The following PIK3AP1 variants were observed in gnomAD, a reference collection of about 807,000 sequenced individuals.
The protein encoded by PIK3AP1 is phosphoinositide-3-kinase adaptor protein 1, also known as phosphoinositide 3-kinase adapter protein 1.
PIK3AP1 carries 21 observed loss-of-function variants against 88.1 expected under a neutral mutation model. The observed-to-expected ratio is 0.24, with a 90% CI of 0.17 to 0.34. The LOEUF (loss-of-function observed/expected upper bound fraction) is 0.34, where lower values mean the gene tolerates loss of function less well. Among genes scored for constraint, PIK3AP1 ranks in the 10% least tolerant of loss-of-function variants. The pLI, the probability that PIK3AP1 is intolerant of heterozygous loss-of-function variation, is 1.00. For synonymous variants in PIK3AP1, 398 were observed against 400.0 expected (o/e 1.00, Z 0.06); for missense variants, 828 against 1,035.7 (o/e 0.80, Z 2.75).
chr10:96,605,399 C>T (rs944094148), intron 14 of PIK3AP1, among the ~76,000 whole-genome samples: 5 of 152,116 alleles, frequency 3.3e-5, no homozygotes, highest in African/African-American at 9.7e-5. Context: ...TAAATAACCA[C>T]GTGTGGCCAG....
rs1439103672 is a variant in PIK3AP1, at chr10:96,623,601, AT to A, written c.1670-65del. The stretch of plus-strand genomic sequence containing the variant: ...CAAAATCCAGTACAAAATAATAATA[AT>A]AATGAATCCATACCTAGGACCACCG... On this transcript the variant is annotated intron_variant, in intron 10 of 16. Coordinates refer to ENST00000339364, the MANE Select transcript of PIK3AP1 (RefSeq NM_152309.3). 9 of 1,411,718 alleles carry A rather than the reference AT, an allele frequency of 6.4e-6. No homozygotes were observed. The African/African-American group carries it at 8.5e-5, about 13-fold the overall frequency. The allele number at this position is 1,411,718 out of a possible 1,614,324, so 87.4% of individuals were successfully genotyped here.
In PIK3AP1 at chr10:96,715,910, A is replaced by G. The variant is rs1269614517; in HGVS notation, c.13+4472T>C. Among the ~76,000 whole-genome samples, 4 of 151,806 alleles carry G rather than the reference A, an allele frequency of 2.6e-5. No individual in the cohort carries two copies. The East Asian group carries it at 7.7e-4, about 29-fold the overall frequency. On this transcript the variant is annotated intron_variant, in intron 1 of 16. Transcript: ENST00000339364. ...ATTTCAAAGAAAAAAAAAAAAAAGT[A>G]CAATTGAAATAAAGAGCACTTAAAT...
intron 16 of PIK3AP1, among the ~76,000 whole-genome samples, chr10:96,599,493 C>G (rs148929203): frequency 3.3e-5 from 5 of 152,142 alleles, no homozygotes; most frequent in Non-Finnish European, 7.4e-5. Flanking sequence ...GGACCAGAAC[C>G]GGGATGGAGT....
At chr10:96,710,061 G>C in intron 1 of PIK3AP1, 78 bp from the exon 2 acceptor site, 1 of 1,422,952 alleles carries the variant, frequency 7.0e-7, no homozygotes, top group Admixed American at 2.2e-5. Context: ...CAAAGGTAGA[G>C]CATCCAGACA....
intron 2 of PIK3AP1, among the ~76,000 whole-genome samples, chr10:96,676,509 A>G (rs1416440402): frequency 6.6e-6 from 1 of 151,788 alleles, no homozygotes; most frequent in Non-Finnish European, 1.5e-5. Context: ...GGTCTTAGTG[A>G]CAGAAATGAC....
At chr10:96,606,244 A>T (rs2134186052) in intron 14 of PIK3AP1, among the ~76,000 whole-genome samples, 3 of 152,256 alleles carry the variant, frequency 2.0e-5, no homozygotes, top group African/African-American at 7.2e-5. Context: ...AAGGCTCAGG[A>T]CAAATGCTAT....
rs975694050 is a variant in PIK3AP1, at chr10:96,709,432, C to T, written c.430+135G>A. On this transcript the variant is annotated intron_variant, in intron 2 of 16. Coordinates refer to ENST00000339364, the MANE Select transcript of PIK3AP1 (RefSeq NM_152309.3). The stretch of plus-strand genomic sequence containing the variant: ...GCCCCTATCCCACCCCAGAAATAGG[C>T]TGCTCTAAACCCATAAATATGACCA... The T allele has an allele frequency of 3.9e-5, 42 of 1,085,796 alleles. No homozygotes were observed. In the South Asian group the frequency reaches 6.1e-4, roughly 16 times the overall value. 67.3% of individuals were successfully genotyped at this position (1,085,796 alleles called of 1,614,324 possible).
Position 96,620,512 on chromosome 10 carries a change from T to C in PIK3AP1, c.1781A>G (p.Tyr594Cys). 6.2e-7 allele frequency: 1 copy of C among 1,613,746 alleles called. No individual in the cohort carries two copies. Among genetic ancestry groups the C allele is most frequent in the Non-Finnish European group, 8.5e-7 (1 of 1,180,014 alleles). Reference sequence around the variant, plus strand: ...CGTTTTCATTCCCGCAAAAGGGTCATATATACTCGACTGGGGCCTGTCCCT... The same window carrying C: ...CGTTTTCATTCCCGCAAAAGGGTCACATATACTCGACTGGGGCCTGTCCCT... ...PWRDRPQSSIYDPFAGMKTPG... is the reference protein window; with the variant it reads ...PWRDRPQSSICDPFAGMKTPG... Residue 594 changes from tyrosine to cysteine, a missense_variant, in exon 12 of 17, where the codon TAT becomes TGT. Around this residue, in one of 3 missense-constraint regions of PIK3AP1, gnomAD observed 610 missense variants for 760.1 expected, o/e 0.80. Transcript: ENST00000339364.
In PIK3AP1 at chr10:96,720,253, G is replaced by T; in HGVS notation, c.13+129C>A. ...AGTTTGCGACAGGGAACATAGAAAA[G>T]AGCAGAAAGAGGGCAAGATCCCCGC... On this transcript the variant is annotated intron_variant, in intron 1 of 16. Transcript: ENST00000339364. This position sits in a 1 kb window ranked among gnomAD's most constrained non-coding sequence, Gnocchi z 4.6. 1 of 946,282 alleles carries T rather than the reference G, an allele frequency of 1.1e-6. No individual in the cohort carries two copies. The highest frequency in any genetic ancestry group is 1.4e-6 in the Non-Finnish European group (1 of 726,254). 58.6% of individuals were successfully genotyped at this position (946,282 alleles called of 1,614,324 possible).
intron 13 of PIK3AP1, 117 bp from the exon 14 acceptor site, chr10:96,609,984 G>T: frequency 7.5e-7 from 1 of 1,333,944 alleles, no homozygotes; most frequent in Non-Finnish European, 1.1e-6. Flanking sequence ...GAAGGGGAAG[G>T]GGAAGGGAAA....
At chr10:96,646,458 ACTT>A (rs1324131507) in intron 7 of PIK3AP1, among the ~76,000 whole-genome samples, 4 of 152,096 alleles carry the variant, frequency 2.6e-5, no homozygotes, top group East Asian at 1.9e-4. Context: ...GATTTCTGAT[ACTT>A]CTTCTACACC....
At chr10:96,651,926 T>C (rs1044552835) in intron 4 of PIK3AP1, among the ~76,000 whole-genome samples, 1 of 152,178 alleles carries the variant, frequency 6.6e-6, no homozygotes, top group African/African-American at 2.4e-5. Flanking sequence ...CTCACTACTG[T>C]AGGCCCAGTG....
intron 2 of PIK3AP1, among the ~76,000 whole-genome samples, chr10:96,686,158 T>C (rs1280930371): frequency 1.3e-5 from 2 of 152,240 alleles, no homozygotes; most frequent in Admixed American, 6.5e-5. Flanking sequence ...ACGCATATTT[T>C]TGTCAGATAA....
At chr10:96,714,989 G>C (rs996020296) in intron 1 of PIK3AP1, among the ~76,000 whole-genome samples, 1 of 151,846 alleles carries the variant, frequency 6.6e-6, no homozygotes, top group Non-Finnish European at 1.5e-5. Flanking sequence ...GTGTTTGGCT[G>C]TGTCAAGTGA....
intron 2 of PIK3AP1, among the ~76,000 whole-genome samples, chr10:96,681,289 T>C (rs1033806292): frequency 6.6e-6 from 1 of 152,208 alleles, no homozygotes; most frequent in Non-Finnish European, 1.5e-5. Flanking sequence ...TTAAAAACTC[T>C]ATCTCCAAAT....
At chr10:96,663,762 C>T (rs928196986) in intron 2 of PIK3AP1, among the ~76,000 whole-genome samples, 3 of 151,594 alleles carry the variant, frequency 2.0e-5, no homozygotes, top group Non-Finnish European at 4.4e-5. Context: ...TAAAATACCC[C>T]AAGACCAATA....
chr10:96,629,455 A>G (rs978878262), intron 8 of PIK3AP1, among the ~76,000 whole-genome samples: 6 of 152,118 alleles, frequency 3.9e-5, no homozygotes, highest in African/African-American at 1.4e-4. Context: ...AAGGAAATAC[A>G]TATTCTTGAA....
chr10:96,687,726 T>C (rs575813988), intron 2 of PIK3AP1, among the ~76,000 whole-genome samples: 1 of 152,304 alleles, frequency 6.6e-6, no homozygotes, highest in South Asian at 2.1e-4. Context: ...ATGCCTGCAT[T>C]AAAGACCTTG....
At chr10:96,654,546 C>A (rs2134237435) in intron 3 of PIK3AP1, among the ~76,000 whole-genome samples, 1 of 152,290 alleles carries the variant, frequency 6.6e-6, no homozygotes, top group Middle Eastern at 3.4e-3. Context: ...CCTTGTCCCA[C>A]CTACACCTTC....
Sources: allele counts gnomAD v4.1 joint callset (sites outside exome capture counted in the v4.1 genomes callset), GRCh38; gene constraint gnomAD v4.1.1; regional missense constraint gnomAD v4.1.1; non-coding constraint Gnocchi (gnomAD v3.1); transcripts MANE v1.5; gene names NCBI Gene and HGNC (gene_info 2026-07-23, HGNC 2026-07-21).